Variants in MMP16 observed in about 807,000 individuals in gnomAD.
MMP16 encodes matrix metallopeptidase 16, also known as matrix metalloproteinase-16.
A neutral mutation model predicts 67.8 loss-of-function variants in MMP16; 12 were observed. The observed-to-expected ratio is 0.18, with a 90% CI of 0.11 to 0.29. The LOEUF (loss-of-function observed/expected upper bound fraction) is 0.29. MMP16 is among the 10% of genes least tolerant of loss of function. The pLI is 1.00. For missense variants in MMP16, 475 were observed against 765.7 expected, an observed-to-expected ratio of 0.62 and a Z score of 4.48; for synonymous variants, 249 against 255.9, an observed-to-expected ratio of 0.97 and a Z score of 0.26.
intron 7 of MMP16, among the ~76,000 whole-genome samples, chr8:88,070,443 G>C (rs1808533469): frequency 6.6e-6 from 1 of 152,118 alleles, no homozygotes; most frequent in Non-Finnish European, 1.5e-5. Context: ...CCCTCCGTGA[G>C]TGTCAGGCAC....
intron 5 of MMP16, among the ~76,000 whole-genome samples, chr8:88,117,803 A>G (rs992805518): frequency 6.6e-6 from 1 of 152,122 alleles, no homozygotes; most frequent in African/African-American, 2.4e-5. Context: ...TATGCTGCTT[A>G]AAAATGCAAA....
Position 88,040,882 on chromosome 8 carries a change from C to T in MMP16, c.*579G>A, listed in dbSNP as rs763076578. 1 of 152,500 alleles carries T rather than the reference C, an allele frequency of 6.6e-6. No individual in the cohort carries two copies. Among genetic ancestry groups the T allele is most frequent in the Non-Finnish European group, 1.5e-5 (1 of 68,048 alleles). The allele number at this position is 152,500 out of a possible 1,614,324, so 9.4% of individuals were successfully genotyped here. A position where few individuals can be genotyped will look rare whatever the true frequency, so the allele number is the denominator to read the frequency against. On this transcript the variant is annotated 3_prime_UTR_variant, in exon 10 of 10. Coordinates refer to ENST00000286614, the MANE Select transcript of MMP16 (RefSeq NM_005941.5). ...AAATCTCCCACCTGACAAAATGGTG[C>T]GTAGGAGACTATCCAAAGCAGTCAG...
chr8:88,279,284 T>C (rs1810695926), intron 1 of MMP16, among the ~76,000 whole-genome samples: 2 of 151,940 alleles, frequency 1.3e-5, no homozygotes, highest in Non-Finnish European at 2.9e-5. Flanking sequence ...TTTTTATTGG[T>C]CATATGTTAA....
chr8:88,219,602 C>T (rs1809646170), intron 1 of MMP16, among the ~76,000 whole-genome samples: 1 of 152,116 alleles, frequency 6.6e-6, no homozygotes, highest in South Asian at 2.1e-4. Flanking sequence ...GAGACACCCT[C>T]AGCTATGAGA....
At chr8:88,066,291 G>A (rs1291975449) in intron 7 of MMP16, among the ~76,000 whole-genome samples, 1 of 151,950 alleles carries the variant, frequency 6.6e-6, no homozygotes, top group Non-Finnish European at 1.5e-5. Flanking sequence ...TGTACACCTG[G>A]CTTGATTATG....
intron 1 of MMP16, among the ~76,000 whole-genome samples, chr8:88,208,748 G>C (rs895176321): frequency 2.1e-5 from 3 of 146,004 alleles, no homozygotes; most frequent in Non-Finnish European, 4.5e-5. Context: ...GTACACACAT[G>C]TTGTGCATGA....
At chr8:88,301,411 A>C (rs1183734150) in intron 1 of MMP16, among the ~76,000 whole-genome samples, 1 of 152,162 alleles carries the variant, frequency 6.6e-6, no homozygotes, top group Non-Finnish European at 1.5e-5. Context: ...GCAGGAAAAT[A>C]GCTATTTTCT....
chr8:88,118,749 G>A lies in MMP16; in HGVS notation c.822C>T (p.Asp274=), dbSNP rs766608279. The A allele has an allele frequency of 1.2e-6, 2 of 1,613,272 alleles. No individual in the cohort carries two copies. Among genetic ancestry groups the A allele is most frequent in the Non-Finnish European group, 1.7e-6 (2 of 1,179,538 alleles). The change falls in exon 5 of 10, where the codon GAC becomes GAT. Residue 274 remains aspartate, a synonymous_variant. Coordinates refer to ENST00000286614, the MANE Select transcript of MMP16 (RefSeq NM_005941.5). ...MAPFYQYMET[D]NFKLPNDDLQ... ...AATCATCATTAGGTAGTTTGAAGTT[G>A]TCTGTTTCCATGTACTGGTAAAATG...
intron 3 of MMP16, among the ~76,000 whole-genome samples, chr8:88,174,684 C>A (rs1442472977): frequency 6.6e-6 from 1 of 151,920 alleles, no homozygotes; most frequent in African/African-American, 2.4e-5. Context: ...TGCCATGATG[C>A]TGAGAATGCT....
At chr8:88,312,825 GGGTGTGGT>G (rs981907028) in intron 1 of MMP16, among the ~76,000 whole-genome samples, 2 of 152,040 alleles carry the variant, frequency 1.3e-5, no homozygotes, top group African/African-American at 4.8e-5. Flanking sequence ...AAAATTAGCT[GGGTGTGGT>G]GGTGCATGCC....
chr8:88,147,924 T>C (rs1393909832), intron 4 of MMP16, among the ~76,000 whole-genome samples: 8 of 152,176 alleles, frequency 5.3e-5, no homozygotes, highest in Non-Finnish European at 1.0e-4. Flanking sequence ...TTTCCCCCGT[T>C]TTCTCCTTCT....
At chr8:88,186,726 A>C in intron 2 of MMP16, 128 bp from the exon 3 acceptor site, 2 of 1,264,676 alleles carry the variant, frequency 1.6e-6, no homozygotes, top group South Asian at 1.6e-5. Flanking sequence ...AAATGGCAAA[A>C]TATAAAGTAA....
intron 3 of MMP16, among the ~76,000 whole-genome samples, chr8:88,179,118 C>A (rs536173044): frequency 2.0e-5 from 3 of 151,726 alleles, no homozygotes; most frequent in African/African-American, 7.2e-5. Flanking sequence ...GAACATGAAA[C>A]AGTATAAATA....
intron 7 of MMP16, among the ~76,000 whole-genome samples, chr8:88,070,610 G>A (rs779871972): frequency 3.9e-5 from 6 of 151,902 alleles, no homozygotes; most frequent in Non-Finnish European, 8.8e-5. Flanking sequence ...ACTTTCTCCT[G>A]TGCACTGAAG....
At chr8:88,192,724 C>T (rs1321493707) in intron 2 of MMP16, among the ~76,000 whole-genome samples, 1 of 152,120 alleles carries the variant, frequency 6.6e-6, no homozygotes, top group Non-Finnish European at 1.5e-5. Flanking sequence ...GTTCTTGGTA[C>T]ATCTAAATAA....
At chr8:88,110,156 T>G (rs1054974139) in intron 6 of MMP16, among the ~76,000 whole-genome samples, 2 of 151,270 alleles carry the variant, frequency 1.3e-5, no homozygotes, top group African/African-American at 2.4e-5. Flanking sequence ...TCCAAATATA[T>G]GCTCAAAATA....
At chr8:88,112,413 T>C (rs1809352132) in intron 6 of MMP16, among the ~76,000 whole-genome samples, 1 of 151,722 alleles carries the variant, frequency 6.6e-6, no homozygotes. Context: ...AGTCCAAAGG[T>C]GCTTTGAGAG....
At chr8:88,160,248 T>A (rs1808594457) in intron 4 of MMP16, among the ~76,000 whole-genome samples, 1 of 151,936 alleles carries the variant, frequency 6.6e-6, no homozygotes, top group African/African-American at 2.4e-5. Context: ...TGCGATAGTT[T>A]ACTGAGAATG....
At chr8:88,235,673 G>C (rs6469306) in intron 1 of MMP16, among the ~76,000 whole-genome samples, 148,264 of 152,134 alleles carry the variant, frequency 0.97, 72,364 homozygotes, top group East Asian at 1. Flanking sequence ...TGTCTAGCTT[G>C]CATAGCTCTT....
Sources: gnomAD v4.1 joint callset for allele counts (sites outside exome capture counted in the v4.1 genomes callset) on GRCh38, gnomAD v4.1.1 for gene constraint, MANE v1.5 for transcripts, NCBI Gene and HGNC (gene_info 2026-07-23, HGNC 2026-07-21) for gene names.